Variants in ADAM32 observed in about 807,000 individuals in gnomAD.
ADAM32 encodes the protein ADAM metallopeptidase domain 32, also known as disintegrin and metalloproteinase domain-containing protein 32.
A neutral mutation model predicts 114.9 loss-of-function variants in ADAM32; 89 were observed. The observed-to-expected ratio is 0.77, with a 90% CI of 0.65 to 0.92. The LOEUF is 0.92. ADAM32 is among the 40% of genes least tolerant of loss of function. The pLI is 0.00. For missense variants in ADAM32, 870 were observed against 932.8 expected (o/e 0.93, Z 0.88); for synonymous variants, 285 against 307.5 (o/e 0.93, Z 0.77).
At chr8:39,172,693 CATGTATCACATTTATAT>C (rs1171698622) in intron 10 of ADAM32, among the ~76,000 whole-genome samples, 1 of 152,134 alleles carries the variant, frequency 6.6e-6, no homozygotes, top group Non-Finnish European at 1.5e-5. Flanking sequence ...CCATGGTGTA[CATGTATCACATTTATAT>C]ATGTATCACA....
rs182117230 is a variant in ADAM32 at position 39,122,234 on chromosome 8, C to T, written c.138+4069C>T. 1.3e-4 allele frequency among the ~76,000 whole-genome samples: 20 copies of T among 152,158 alleles called. No individual in the cohort carries two copies. In the East Asian group the frequency reaches 2.7e-3, roughly 21 times the overall value. On this transcript the variant is annotated intron_variant, in intron 2 of 24. Coordinates refer to ENST00000379907, the MANE Select transcript of ADAM32 (RefSeq NM_145004.7). ...GCAAGAAGGAAATGAATTTGGGGGG[C>T]GCACCATAGGGAAGAATGTTATGAA...
chr8:39,132,375 A>G (rs1473230121), intron 2 of ADAM32, among the ~76,000 whole-genome samples: 5 of 152,238 alleles, frequency 3.3e-5, no homozygotes, highest in Non-Finnish European at 7.3e-5. Flanking sequence ...TATCTTAACT[A>G]TCATGATTTA....
At chr8:39,143,215 G>C (rs890111966) in intron 3 of ADAM32, among the ~76,000 whole-genome samples, 1 of 152,128 alleles carries the variant, frequency 6.6e-6, no homozygotes, top group Admixed American at 6.5e-5. Flanking sequence ...CTGTCAACTC[G>C]TCAAACTCAT....
intron 17 of ADAM32, among the ~76,000 whole-genome samples, chr8:39,251,652 T>C (rs1436805318): frequency 6.6e-6 from 1 of 151,956 alleles, no homozygotes; most frequent in African/African-American, 2.4e-5. Context: ...AAATATTTTC[T>C]TTTATTCTGT....
intron 10 of ADAM32, among the ~76,000 whole-genome samples, chr8:39,178,988 A>T (rs1489843753): frequency 6.6e-6 from 1 of 152,154 alleles, no homozygotes. Flanking sequence ...GGTCTCACCC[A>T]GTCAGGAGGA....
At chr8:39,275,903 G>A in intron 22 of ADAM32, 37 bp downstream of exon 22, 4 of 1,501,848 alleles carry the variant, frequency 2.7e-6, no homozygotes, top group Non-Finnish European at 2.7e-6. Context: ...TATATAATAA[G>A]TATATGTTAA....
At chr8:39,242,046 A>T (rs927944943) in intron 16 of ADAM32, among the ~76,000 whole-genome samples, 1 of 152,140 alleles carries the variant, frequency 6.6e-6, no homozygotes, top group Non-Finnish European at 1.5e-5. Flanking sequence ...ATCTCTCTCA[A>T]GTTCAAAATT....
At chr8:39,221,398 A>T in intron 12 of ADAM32, 1 of 490,930 alleles carries the variant, frequency 2.0e-6, no homozygotes, top group South Asian at 2.8e-5. Context: ...GTCCAGAGGA[A>T]GGTAAGTAGG....
intron 10 of ADAM32, among the ~76,000 whole-genome samples, chr8:39,182,208 T>C (rs1355796825): frequency 6.6e-6 from 1 of 152,190 alleles, no homozygotes; most frequent in Non-Finnish European, 1.5e-5. Flanking sequence ...GGTTAGCAGA[T>C]GGGCTTTTTG....
chr8:39,273,056 A>C (rs1434458442), intron 20 of ADAM32, among the ~76,000 whole-genome samples: 3 of 152,008 alleles, frequency 2.0e-5, no homozygotes, highest in Non-Finnish European at 2.9e-5. Flanking sequence ...TCCTGCTGGG[A>C]GGTCTTCAGA....
At chr8:39,248,901 T>C (rs1811103012) in intron 17 of ADAM32, among the ~76,000 whole-genome samples, 1 of 148,326 alleles carries the variant, frequency 6.7e-6, no homozygotes, top group Admixed American at 6.9e-5. Flanking sequence ...AAATGAGTGT[T>C]GACTTTTTTT....
intron 19 of ADAM32, among the ~76,000 whole-genome samples, chr8:39,267,466 A>AT (rs1401500379): frequency 1.3e-5 from 2 of 152,108 alleles, no homozygotes; most frequent in Non-Finnish European, 2.9e-5. Flanking sequence ...ATATACCTTA[A>AT]TTTTTTTAAA....
intron 3 of ADAM32, among the ~76,000 whole-genome samples, chr8:39,139,552 G>C (rs1803015575): frequency 6.6e-6 from 1 of 152,168 alleles, no homozygotes; most frequent in Non-Finnish European, 1.5e-5. Context: ...TTTGGTACCA[G>C]TACCATGCTA....
At chr8:39,260,762 T>TA (rs985622669) in intron 19 of ADAM32, among the ~76,000 whole-genome samples, 10 of 152,156 alleles carry the variant, frequency 6.6e-5, no homozygotes, top group African/African-American at 2.4e-4. Context: ...TCTGGCCTTA[T>TA]AAAATGTGTT....
intron 14 of ADAM32, chr8:39,224,017 T>G (rs1207233792): frequency 6.6e-6 from 1 of 152,210 alleles, no homozygotes; most frequent in African/African-American, 2.4e-5. Flanking sequence ...TTTGTGTGTT[T>G]GTGTATATGT....
At chr8:39,253,119 TTCC>T (rs1811410579) in intron 17 of ADAM32, among the ~76,000 whole-genome samples, 1 of 151,684 alleles carries the variant, frequency 6.6e-6, no homozygotes, top group Non-Finnish European at 1.5e-5. Context: ...ATGGGATTTA[TTCC>T]TGGGATGCAA....
intron 3 of ADAM32, among the ~76,000 whole-genome samples, chr8:39,146,787 A>G (rs1803531311): frequency 6.6e-6 from 1 of 152,232 alleles, no homozygotes; most frequent in Non-Finnish European, 1.5e-5. Flanking sequence ...TAGGAAAACT[A>G]TTTTGAGTAA....
chr8:39,221,314 T>G lies in ADAM32; in HGVS notation c.1234-296T>G, dbSNP rs1025012053. ...TGTGTCTTCATACATGATGTATTTT[T>G]ATAGGTAGCATATAGTGAGGTCTCG... On this transcript the variant is annotated intron_variant, in intron 12 of 24. Coordinates refer to ENST00000379907, the MANE Select transcript of ADAM32 (RefSeq NM_145004.7). The G allele has an allele frequency of 2.6e-5, 6 of 233,526 alleles. No homozygotes were observed. The South Asian group carries it at 6.3e-4, about 24-fold the overall frequency. The allele number at this position is 233,526 out of a possible 1,614,324, so 14.5% of individuals were successfully genotyped here. A position where few individuals can be genotyped will look rare whatever the true frequency, so the allele number is the denominator to read the frequency against.
chr8:39,175,601 G>C (rs1027568946), intron 10 of ADAM32, among the ~76,000 whole-genome samples: 2 of 152,104 alleles, frequency 1.3e-5, no homozygotes, highest in African/African-American at 4.8e-5. Flanking sequence ...GAGGATTTTT[G>C]CATCGATGTT....
Sources: allele counts gnomAD v4.1 joint callset (sites outside exome capture counted in the v4.1 genomes callset), GRCh38; gene constraint gnomAD v4.1.1; transcripts MANE v1.5; gene names NCBI Gene and HGNC (gene_info 2026-07-23, HGNC 2026-07-21).